TRPM1: variants seen among roughly 807,000 people sequenced by gnomAD.
TRPM1 encodes the protein TRPM1-203 APA Isoform, Intron 10.
Under a neutral mutation model 149.4 loss-of-function variants are expected in TRPM1, and 113 were observed. That is an observed-to-expected ratio of 0.76 (90% CI 0.65 to 0.88). The LOEUF is 0.88. Among genes scored for constraint, TRPM1 ranks in the 40% least tolerant of loss-of-function variants. TRPM1 has a pLI of 0.00. For missense variants in TRPM1, 1,976 were observed against 2,038.7 expected, an observed-to-expected ratio of 0.97 and a Z score of 0.59; for synonymous variants, 741 against 759.5, an observed-to-expected ratio of 0.98 and a Z score of 0.40.
chr15:31,121,291 AAAG>A (rs1470131689), intron 1 of TRPM1, among the ~76,000 whole-genome samples: 4 of 152,094 alleles, frequency 2.6e-5, no homozygotes, highest in Admixed American at 2.0e-4. Flanking sequence ...AGAAAAGTAG[AAAG>A]AAGAACAAAT....
rs576415034 is a variant in TRPM1, at chr15:31,143,738, G to GTT, written c.54+17166_54+17167dup. On this transcript the variant is annotated intron_variant, in intron 1 of 26. Transcript: ENST00000542188. The stretch of plus-strand genomic sequence containing the variant: ...TGTCTTCCAGTTTTAAGGAAAGTAA[G>GTT]TTTTTTTTTTTTCCCTTTTAAGCTA... Among the ~76,000 whole-genome samples, 338 of 146,082 alleles carry GTT rather than the reference G, an allele frequency of 2.3e-3. 1 individual carries two copies. Among genetic ancestry groups the GTT allele is most frequent in the Admixed American group, 7.6e-3 (111 of 14,558 alleles).
At chr15:31,141,544 CA>C (rs1428155884) in intron 1 of TRPM1, among the ~76,000 whole-genome samples, 4 of 151,400 alleles carry the variant, frequency 2.6e-5, no homozygotes, top group Non-Finnish European at 5.9e-5. Flanking sequence ...GAAAGTGGTG[CA>C]AAAAAATCTA....
At chr15:31,064,080 A>G (rs2034306494) in intron 7 of TRPM1, among the ~76,000 whole-genome samples, 1 of 152,248 alleles carries the variant, frequency 6.6e-6, no homozygotes, top group Admixed American at 6.5e-5. Flanking sequence ...GCCAATCACC[A>G]AATCACCAAG....
At position 31,066,283 on chromosome 15, in the gene TRPM1, A is replaced by T. The variant is rs766144525; in HGVS notation, c.619-36T>A. 3.7e-6 allele frequency: 6 copies of T among 1,613,620 alleles called. No homozygotes were observed. In the Admixed American group the frequency reaches 1.0e-4, roughly 27 times the overall value. ...GCACAGCGCAAATCAGACCTGCAGG[A>T]CTTGGATGTTAAGACCAACAAGGGA... On this transcript the variant is annotated intron_variant, in intron 6 of 27. Transcript: ENST00000256552.
intron 1 of TRPM1, among the ~76,000 whole-genome samples, chr15:31,116,947 G>A (rs547350514): frequency 1.3e-5 from 2 of 152,174 alleles, no homozygotes; most frequent in Non-Finnish European, 2.9e-5. Context: ...ATGCCAAAAC[G>A]CAAGAAAAGG....
intron 1 of TRPM1, among the ~76,000 whole-genome samples, chr15:31,149,755 G>A (rs1363995842): frequency 1.2e-4 from 18 of 152,034 alleles, no homozygotes; most frequent in Non-Finnish European, 2.2e-4. Context: ...TCCTGACCTT[G>A]TGATCCGCCC....
At chr15:31,075,574 T>C (rs2034667019) in intron 3 of TRPM1, among the ~76,000 whole-genome samples, 1 of 152,224 alleles carries the variant, frequency 6.6e-6, no homozygotes, top group Non-Finnish European at 1.5e-5. Context: ...CATTCAGGAC[T>C]TAGCCTCAGC....
Position 31,031,093 on chromosome 15 carries a change from C to T in TRPM1, c.3017G>A (p.Arg1006His), listed in dbSNP as rs775810789. 2.1e-5 allele frequency: 34 copies of T among 1,614,024 alleles called. No individual in the cohort carries two copies. The highest frequency in any genetic ancestry group is 2.6e-5 in the Non-Finnish European group (31 of 1,180,020). ...CTCCTCTGGATGCAGAATGGCTTGA[C>T]GGGCTACTCCGAAACTCATGAGCAC... ...LVVLMSFGVA[R>H]QAILHPEEKP... The change falls in exon 23 of 28, where the codon CGT (arginine) becomes CAT (histidine). Residue 1006 changes from arginine to histidine, a missense_variant. Transcript: ENST00000256552.
At chr15:31,109,333 C>CAAAAAAAAAAAAAAA (rs36072024) in intron 1 of TRPM1, among the ~76,000 whole-genome samples, 5 of 32,296 alleles carry the variant, frequency 1.5e-4, no homozygotes, top group East Asian at 9.8e-4. Flanking sequence ...GACTCTGCCT[C>CAAAAAAAAAAAAAAA]AAAAAAAAAA....
intron 1 of TRPM1, among the ~76,000 whole-genome samples, chr15:31,153,960 A>G (rs2141064436): frequency 6.6e-6 from 1 of 152,234 alleles, no homozygotes; most frequent in East Asian, 1.9e-4. Context: ...AGAGGATTGA[A>G]TGGGATGTGT....
chr15:31,144,711 G>GTTT (rs1567078292), intron 1 of TRPM1, among the ~76,000 whole-genome samples: 8 of 142,976 alleles, frequency 5.6e-5, no homozygotes, highest in East Asian at 2.0e-4. Flanking sequence ...TTGTTTTTGA[G>GTTT]ATTTTTTTTT....
In TRPM1 at chr15:31,049,871, G is replaced by A. The variant is rs1312323094; in HGVS notation, c.1438-362C>T. Among the ~76,000 whole-genome samples the A allele has an allele frequency of 2.6e-5, 4 of 152,170 alleles. No homozygotes were observed. In the East Asian group the frequency reaches 5.8e-4, roughly 22 times the overall value. ...GGGCAGGCAGCATGACCAGGGTGCC[G>A]TGTGGGTGAGTGACTGTGATAAGGG... On this transcript the variant is annotated intron_variant, in intron 12 of 27. Coordinates refer to ENST00000256552, the MANE Select transcript of TRPM1 (RefSeq NM_001252024.2).
At chr15:31,129,472 C>T (rs2035991200) in intron 1 of TRPM1, among the ~76,000 whole-genome samples, 1 of 152,198 alleles carries the variant, frequency 6.6e-6, no homozygotes, top group Non-Finnish European at 1.5e-5. Flanking sequence ...CTGCCCCCAC[C>T]TGGCCGCCTC....
At chr15:31,154,824 A>G (rs2036346768) in intron 1 of TRPM1, among the ~76,000 whole-genome samples, 1 of 151,808 alleles carries the variant, frequency 6.6e-6, no homozygotes, top group South Asian at 2.1e-4. Flanking sequence ...GGCTCATCTG[A>G]TCTTGTGACC....
At chr15:31,146,320 A>G (rs1417855457) in intron 1 of TRPM1, among the ~76,000 whole-genome samples, 4 of 152,166 alleles carry the variant, frequency 2.6e-5, no homozygotes, top group Non-Finnish European at 5.9e-5. Context: ...AGTTCTGGTC[A>G]CTCTCTCACC....
chr15:31,160,832 T>C, intron 1 of TRPM1: 3 of 1,487,808 alleles, frequency 2.0e-6, no homozygotes, highest in Non-Finnish European at 2.7e-6. Context: ...CACTCTGAGA[T>C]GACAGAGCTG....
chr15:31,026,375 G>A (rs2032755701), intron 26 of TRPM1, 104 bp from the exon 27 acceptor site: 3 of 1,402,072 alleles, frequency 2.1e-6, no homozygotes, highest in Admixed American at 3.8e-5. Flanking sequence ...TCTCTTCTCC[G>A]CCACTCCTAA....
intron 1 of TRPM1, among the ~76,000 whole-genome samples, chr15:31,140,255 T>C (rs2036143564): frequency 6.6e-6 from 1 of 151,062 alleles, no homozygotes; most frequent in Admixed American, 6.6e-5. Context: ...GGCAGGAGCC[T>C]GTAGACCCAG....
At chr15:31,073,326 T>C (rs547161705) in intron 3 of TRPM1, among the ~76,000 whole-genome samples, 1 of 152,252 alleles carries the variant, frequency 6.6e-6, no homozygotes, top group South Asian at 2.1e-4. Context: ...GGTGTATGGG[T>C]TTATTTCTGG....
Sources: gnomAD v4.1 joint callset for allele counts (sites outside exome capture counted in the v4.1 genomes callset) on GRCh38, gnomAD v4.1.1 for gene constraint, MANE v1.5 for transcripts, NCBI Gene and HGNC (gene_info 2026-07-23, HGNC 2026-07-21) for gene names.